Variants in TCF7L1 observed in about 807,000 individuals in gnomAD.
TCF7L1 encodes the protein transcription factor 7 like 1, also known as transcription factor 7-like 1.
Under a neutral mutation model 63.7 loss-of-function variants are expected in TCF7L1, and 18 were observed. The observed-to-expected ratio is 0.28, with a 90% CI of 0.20 to 0.42. TCF7L1 has a LOEUF of 0.42. TCF7L1 is among the 10% of genes least tolerant of loss of function. TCF7L1 has a pLI of 1.00. For synonymous variants in TCF7L1, 355 were observed against 340.9 expected (o/e 1.04, Z -0.46); for missense variants, 654 against 779.3 (o/e 0.84, Z 1.91).
At chr2:85,277,318 T>C (rs1337578233) in intron 3 of TCF7L1, among the ~76,000 whole-genome samples, 1 of 152,146 alleles carries the variant, frequency 6.6e-6, no homozygotes, top group Non-Finnish European at 1.5e-5. Context: ...AGTACGGTTA[T>C]AGTATAGGTT....
At chr2:85,298,656 T>C (rs371658638) in intron 4 of TCF7L1, among the ~76,000 whole-genome samples, 1 of 152,184 alleles carries the variant, frequency 6.6e-6, no homozygotes, top group African/African-American at 2.4e-5. Context: ...AGGTCTGAGG[T>C]GGCTCTCAGG....
chr2:85,157,853 C>T (rs1375788034), intron 3 of TCF7L1, among the ~76,000 whole-genome samples: 1 of 152,142 alleles, frequency 6.6e-6, no homozygotes, highest in African/African-American at 2.4e-5. Context: ...CCTGCCTTCC[C>T]CTCCCCTCCT....
intron 3 of TCF7L1, among the ~76,000 whole-genome samples, chr2:85,206,082 A>G (rs1679402961): frequency 6.6e-6 from 1 of 152,230 alleles, no homozygotes; most frequent in Non-Finnish European, 1.5e-5. Context: ...AGCTGGGGCT[A>G]TTAACTCCCT....
intron 3 of TCF7L1, among the ~76,000 whole-genome samples, chr2:85,215,394 A>G (rs1421349720): frequency 6.6e-6 from 1 of 152,196 alleles, no homozygotes; most frequent in Admixed American, 6.5e-5. Flanking sequence ...CCAGTGATGT[A>G]CCTCTACAAT....
intron 7 of TCF7L1, 146 bp downstream of exon 7, chr2:85,304,484 T>G: frequency 4.2e-6 from 3 of 710,096 alleles, no homozygotes; most frequent in Non-Finnish European, 6.9e-6. Context: ...TCTTCTCACG[T>G]CCCGCGCTCC....
chr2:85,197,326 G>A (rs1200191548), intron 3 of TCF7L1, among the ~76,000 whole-genome samples: 2 of 152,120 alleles, frequency 1.3e-5, no homozygotes, highest in East Asian at 1.9e-4. Flanking sequence ...CAGGAGAATC[G>A]CTTGAACCCG....
chr2:85,240,074 CTGAT>C (rs1165025939), intron 3 of TCF7L1, among the ~76,000 whole-genome samples: 1 of 151,984 alleles, frequency 6.6e-6, no homozygotes, highest in African/African-American at 2.4e-5. Flanking sequence ...AATTTAAAGA[CTGAT>C]TACTGAGACG....
chr2:85,177,762 TAACA>T (rs1678713588), intron 3 of TCF7L1, among the ~76,000 whole-genome samples: 1 of 152,190 alleles, frequency 6.6e-6, no homozygotes, highest in Non-Finnish European at 1.5e-5. Flanking sequence ...TCCTACCACC[TAACA>T]AACTGTTTTC....
At chr2:85,289,718 C>T (rs1447352487) in intron 4 of TCF7L1, among the ~76,000 whole-genome samples, 3 of 152,226 alleles carry the variant, frequency 2.0e-5, no homozygotes, top group African/African-American at 7.2e-5. Context: ...GTTGCCCAGG[C>T]TGGAGTGCAG....
chr2:85,240,617 C>CAA (rs60695204), intron 3 of TCF7L1, among the ~76,000 whole-genome samples: 1,871 of 127,128 alleles, frequency 0.015, 43 homozygotes, highest in African/African-American at 0.049. Flanking sequence ...ACTAAAAATA[C>CAA]AAAAAAAAAA....
intron 6 of TCF7L1, 79 bp downstream of exon 6, chr2:85,304,076 A>G: frequency 7.8e-7 from 1 of 1,274,648 alleles, no homozygotes; most frequent in Non-Finnish European, 1.1e-6. Context: ...CGCCCTGCAC[A>G]GTGGAGCCCC....
intron 3 of TCF7L1, among the ~76,000 whole-genome samples, chr2:85,208,880 C>T (rs1679477133): frequency 6.6e-6 from 1 of 152,140 alleles, no homozygotes; most frequent in South Asian, 2.1e-4. Flanking sequence ...TTAATAAGAA[C>T]AAGATTACTT....
chr2:85,288,909 T>G (rs1198174084), intron 4 of TCF7L1, among the ~76,000 whole-genome samples: 1 of 152,042 alleles, frequency 6.6e-6, no homozygotes, highest in Non-Finnish European at 1.5e-5. Flanking sequence ...TATATGCCCC[T>G]CTAGAATATA....
intron 3 of TCF7L1, among the ~76,000 whole-genome samples, chr2:85,165,768 C>T (rs927975519): frequency 2.0e-5 from 3 of 152,136 alleles, no homozygotes; most frequent in African/African-American, 7.2e-5. Flanking sequence ...TAATGATAGA[C>T]TTAGGTTGCA....
chr2:85,271,313 A>G (rs533176385), intron 3 of TCF7L1, among the ~76,000 whole-genome samples: 2 of 152,114 alleles, frequency 1.3e-5, no homozygotes, highest in South Asian at 2.1e-4. Flanking sequence ...TGGTTTTGCC[A>G]TATTGGCCAT....
intron 3 of TCF7L1, among the ~76,000 whole-genome samples, chr2:85,219,730 G>GAA (rs1283463673): frequency 6.6e-6 from 1 of 151,934 alleles, no homozygotes; most frequent in Non-Finnish European, 1.5e-5. Context: ...AAGAAAGAAA[G>GAA]AAAAAATAAG....
chr2:85,147,811 G>A (rs978257333), intron 3 of TCF7L1, among the ~76,000 whole-genome samples: 4 of 152,202 alleles, frequency 2.6e-5, no homozygotes, highest in African/African-American at 7.2e-5. Flanking sequence ...CCACATCCTC[G>A]TGCATGTGTG....
At chr2:85,236,469 A>C (rs1055071197) in intron 3 of TCF7L1, among the ~76,000 whole-genome samples, 1 of 152,126 alleles carries the variant, frequency 6.6e-6, no homozygotes, top group East Asian at 1.9e-4. Flanking sequence ...TTGCAGCTGG[A>C]GGCCTCTGGA....
chr2:85,134,464 G>A lies in TCF7L1; in HGVS notation c.441+14G>A, dbSNP rs1188973938. 1.3e-6 allele frequency: 2 copies of A among 1,548,754 alleles called. No homozygotes were observed. The highest frequency in any genetic ancestry group is 2.4e-5 in the East Asian group (1 of 40,874). ...GGAGCGCGCACCGTGAGTGCCCGTC[G>A]GGCGCGCCGGGGAGGGTGGGAGGCC... On this transcript the variant is annotated intron_variant, in intron 3 of 11. Transcript: ENST00000282111. The surrounding 1 kb of genome is among the most constrained non-coding windows in gnomAD (Gnocchi z 5.0).
Sources: allele counts gnomAD v4.1 joint callset (sites outside exome capture counted in the v4.1 genomes callset), GRCh38; gene constraint gnomAD v4.1.1; non-coding constraint Gnocchi (gnomAD v3.1); transcripts MANE v1.5; gene names NCBI Gene and HGNC (gene_info 2026-07-23, HGNC 2026-07-21).